SYNPO2: variants seen among roughly 807,000 people sequenced by gnomAD.
SYNPO2 encodes synaptopodin-2.
Under a neutral mutation model 85.0 loss-of-function variants are expected in SYNPO2, and 56 were observed. That is an observed-to-expected ratio of 0.66 (90% confidence interval 0.53 to 0.82). SYNPO2 has a LOEUF of 0.82. Ranked by LOEUF, SYNPO2 falls within the 40% of genes least tolerant of loss-of-function variation. The pLI is 0.00. For synonymous variants in SYNPO2, 602 were observed against 591.1 expected, an observed-to-expected ratio of 1.02 and a Z score of -0.27; for missense variants, 1,575 against 1,534.2, an observed-to-expected ratio of 1.03 and a Z score of -0.44.
chr4:118,931,543 G>T (rs191807929), intron 1 of SYNPO2, among the ~76,000 whole-genome samples: 2 of 152,182 alleles, frequency 1.3e-5, no homozygotes, highest in Non-Finnish European at 2.9e-5. Context: ...AACCAATCCT[G>T]TGTTGAAATA....
chr4:118,941,148 G>A (rs1734302145), intron 1 of SYNPO2, among the ~76,000 whole-genome samples: 1 of 152,062 alleles, frequency 6.6e-6, no homozygotes, highest in African/African-American at 2.4e-5. Context: ...CTCTTCCTGG[G>A]TTCTTTGTCT....
chr4:118,856,890 A>G (rs1299751295), intron 1 of SYNPO2, among the ~76,000 whole-genome samples: 1 of 152,208 alleles, frequency 6.6e-6, no homozygotes, highest in Non-Finnish European at 1.5e-5. Context: ...GAATAGAAAT[A>G]ATGGACGTTC....
intron 1 of SYNPO2, among the ~76,000 whole-genome samples, chr4:119,011,272 C>T (rs1737290844): frequency 6.6e-6 from 1 of 152,186 alleles, no homozygotes; most frequent in South Asian, 2.1e-4. Context: ...AGTGCCTCTG[C>T]TCCAGCGCCT....
chr4:119,010,894 C>A (rs948447348), intron 1 of SYNPO2, among the ~76,000 whole-genome samples: 2 of 152,196 alleles, frequency 1.3e-5, no homozygotes, highest in African/African-American at 4.8e-5. Context: ...TCAACACAGA[C>A]CCCTGGCTGA....
intron 1 of SYNPO2, among the ~76,000 whole-genome samples, chr4:118,926,925 C>T (rs936520822): frequency 3.3e-5 from 5 of 152,124 alleles, no homozygotes; most frequent in South Asian, 2.1e-4. Context: ...CTACTCTATG[C>T]GGGATGCCAC....
chr4:119,037,903 T>C (rs1223186852), intron 4 of SYNPO2: 2 of 179,500 alleles, frequency 1.1e-5, no homozygotes, highest in African/African-American at 4.8e-5. Flanking sequence ...TGTTAAGTAA[T>C]GGCCCCTGGA....
chr4:118,876,931 T>C (rs1384027584), intron 1 of SYNPO2, among the ~76,000 whole-genome samples: 5 of 151,752 alleles, frequency 3.3e-5, no homozygotes, highest in South Asian at 2.1e-4. Flanking sequence ...GCTGGGACTA[T>C]AGGTACATGC....
chr4:118,991,631 G>A (rs1475262623), intron 1 of SYNPO2, among the ~76,000 whole-genome samples: 1 of 152,132 alleles, frequency 6.6e-6, no homozygotes, highest in African/African-American at 2.4e-5. Context: ...AGAAGAAAGA[G>A]GTATATGTTG....
rs1188372176 is a variant in SYNPO2, at chr4:118,900,737, G to GTCTATCTA, written c.105+11599_105+11600insATCTATCT. On this transcript the variant is annotated intron_variant, in intron 1 of 4. Coordinates refer to ENST00000307142, the MANE Select transcript of SYNPO2 (RefSeq NM_133477.3). ...TATATATATATATATATATATGTCT[G>GTCTATCTA]TCTGTCTATCTATCTATCTATCTAT... Among the ~76,000 whole-genome samples the GTCTATCTA allele has an allele frequency of 1.5e-3, 122 of 82,198 alleles. 1 individual carries two copies. Among genetic ancestry groups the GTCTATCTA allele is most frequent in the East Asian group, 6.6e-3 (18 of 2,738 alleles). The allele number at this position is 82,198 out of a possible 152,430, so 53.9% of individuals were successfully genotyped here. A position where few individuals can be genotyped will look rare whatever the true frequency, so the allele number is the denominator to read the frequency against.
At chr4:119,033,197 G>T in intron 4 of SYNPO2, 1 of 985,418 alleles carries the variant, frequency 1.0e-6, no homozygotes, top group African/African-American at 1.7e-5. Flanking sequence ...AGACTGTAGG[G>T]TGAGAGCACA....
chr4:118,854,563 T>C (rs1731474504), intron 1 of SYNPO2, among the ~76,000 whole-genome samples: 1 of 152,218 alleles, frequency 6.6e-6, no homozygotes, highest in African/African-American at 2.4e-5. Flanking sequence ...CCATTGTAAA[T>C]TTACTTTAAA....
intron 1 of SYNPO2, among the ~76,000 whole-genome samples, chr4:119,013,037 T>C (rs1165391631): frequency 6.6e-6 from 1 of 152,176 alleles, no homozygotes; most frequent in Non-Finnish European, 1.5e-5. Flanking sequence ...TCTGCAGACC[T>C]CTGGTGGTCT....
intron 1 of SYNPO2, chr4:119,005,923 A>G (rs1737016728): frequency 6.6e-6 from 1 of 152,216 alleles, no homozygotes; most frequent in Admixed American, 6.5e-5. Context: ...AGTAACTATA[A>G]TTATTACATT....
chr4:118,879,294 T>G (rs72907288), intron 1 of SYNPO2, among the ~76,000 whole-genome samples: 3 of 152,132 alleles, frequency 2.0e-5, no homozygotes, highest in South Asian at 2.1e-4. Context: ...AAGTGCCAAT[T>G]CAGAGAGGGT....
At chr4:118,875,133 T>A (rs1434575833) in intron 1 of SYNPO2, among the ~76,000 whole-genome samples, 1 of 152,198 alleles carries the variant, frequency 6.6e-6, no homozygotes, top group Admixed American at 6.5e-5. Context: ...CCTGTGTTAG[T>A]TTGCTGAGGA....
chr4:118,896,107 G>A (rs965702687), intron 1 of SYNPO2, among the ~76,000 whole-genome samples: 1 of 152,168 alleles, frequency 6.6e-6, no homozygotes, highest in Non-Finnish European at 1.5e-5. Context: ...GGGGCATCAA[G>A]CTACTCCCCT....
In SYNPO2 at chr4:119,060,500, G is replaced by A. The variant is rs1739378346; in HGVS notation, c.*2566G>A. On this transcript the variant is annotated 3_prime_UTR_variant, in exon 5 of 5. Transcript: ENST00000307142. ...TGAATAAAGTTAGATTGCTCACATTGAAGCTAATGGTTGAGACAAGACACC... is the reference window on the plus strand; with the variant it reads ...TGAATAAAGTTAGATTGCTCACATTAAAGCTAATGGTTGAGACAAGACACC... 2 of 152,156 alleles carry A rather than the reference G, an allele frequency of 1.3e-5. No individual in the cohort carries two copies. Among genetic ancestry groups the A allele is most frequent in the African/African-American group, 4.8e-5 (2 of 41,448 alleles). 9.4% of individuals were successfully genotyped at this position (152,156 alleles called of 1,614,324 possible).
chr4:119,016,011 T>C (rs1380160), intron 1 of SYNPO2, among the ~76,000 whole-genome samples: 129,814 of 152,192 alleles, frequency 0.85, 55,580 homozygotes, highest in Non-Finnish European at 0.89. Context: ...TAAATAGAAT[T>C]GTATAAAATT....
At chr4:118,973,283 A>T (rs1735603164) in intron 1 of SYNPO2, among the ~76,000 whole-genome samples, 1 of 152,160 alleles carries the variant, frequency 6.6e-6, no homozygotes, top group South Asian at 2.1e-4. Flanking sequence ...CCTCAAATAT[A>T]AGACTTTCTC....
Sources: gnomAD v4.1 joint callset for allele counts (sites outside exome capture counted in the v4.1 genomes callset) on GRCh38, gnomAD v4.1.1 for gene constraint, MANE v1.5 for transcripts, NCBI Gene and HGNC (gene_info 2026-07-23, HGNC 2026-07-21) for gene names.